Variants in HYCC1 observed in about 807,000 individuals in gnomAD.
HYCC1 encodes the protein hyccin.
the HYCC1 span, among the ~76,000 whole-genome samples, chr7:22,982,924 T>TA: frequency 6.6e-6 from 1 of 152,198 alleles, no homozygotes; most frequent in Non-Finnish European, 1.5e-5. Context: ...CCAAATGCCA[T>TA]ACCTTTTTAC....
the HYCC1 span, among the ~76,000 whole-genome samples, chr7:22,985,249 G>A: frequency 6.6e-6 from 1 of 152,086 alleles, no homozygotes; most frequent in Admixed American, 6.6e-5. Flanking sequence ...TATATAGGTG[G>A]ATGTGTGCAT....
chr7:22,932,836 C>A, the HYCC1 span, among the ~76,000 whole-genome samples: 1 of 152,032 alleles, frequency 6.6e-6, no homozygotes, highest in Non-Finnish European at 1.5e-5. Context: ...CAGAATTTCA[C>A]CTTATTTGGA....
At chr7:22,991,762 T>A in the HYCC1 span, among the ~76,000 whole-genome samples, 25 of 152,230 alleles carry the variant, frequency 1.6e-4, 1 homozygote, top group East Asian at 2.5e-3. Flanking sequence ...AAAATGTTTG[T>A]CAAAATACAA....
chr7:22,949,882 T>C, the HYCC1 span, among the ~76,000 whole-genome samples: 1 of 152,190 alleles, frequency 6.6e-6, no homozygotes, highest in Non-Finnish European at 1.5e-5. Flanking sequence ...TTGATACTTG[T>C]TATCACTCAA....
the HYCC1 span, among the ~76,000 whole-genome samples, chr7:22,931,931 T>C: frequency 5.9e-5 from 9 of 152,322 alleles, no homozygotes; most frequent in African/African-American, 2.2e-4. Context: ...TCTTATAGTA[T>C]AAATGCAAGA....
chr7:23,003,306 G>T, the HYCC1 span, among the ~76,000 whole-genome samples: 10 of 151,210 alleles, frequency 6.6e-5, no homozygotes, highest in Non-Finnish European at 1.0e-4. Context: ...AAATGAATAC[G>T]ACATAGCTGA....
the HYCC1 span, among the ~76,000 whole-genome samples, chr7:22,985,192 A>T: frequency 6.6e-6 from 1 of 152,152 alleles, no homozygotes; most frequent in Non-Finnish European, 1.5e-5. Flanking sequence ...TATTCCTTAT[A>T]TGTCTCATAT....
chr7:22,928,473 G>C, the HYCC1 span, among the ~76,000 whole-genome samples: 1 of 152,176 alleles, frequency 6.6e-6, no homozygotes, highest in Admixed American at 6.5e-5. Flanking sequence ...AAGCTGATAA[G>C]CAACTTCAGC....
the HYCC1 span, among the ~76,000 whole-genome samples, chr7:23,001,623 G>A: frequency 6.6e-6 from 1 of 152,092 alleles, no homozygotes; most frequent in African/African-American, 2.4e-5. Context: ...GTAGGGTACT[G>A]GAGAAAAAGT....
At chr7:22,964,565 TGGTAAAATTTTA>T in the HYCC1 span, 3 of 1,268,018 alleles carry the variant, frequency 2.4e-6, 1 homozygote, top group Non-Finnish European at 3.5e-6. Context: ...TTTCTAAAAT[TGGTAAAATTTTA>T]GGTGATTTAT....
chr7:22,897,147 T>C, the HYCC1 span, among the ~76,000 whole-genome samples: 1 of 152,084 alleles, frequency 6.6e-6, no homozygotes, highest in Non-Finnish European at 1.5e-5. Context: ...GAGACAGCGA[T>C]TGCAGACAGC....
chr7:23,008,670 G>C, the HYCC1 span, among the ~76,000 whole-genome samples: 1 of 151,870 alleles, frequency 6.6e-6, no homozygotes, highest in Non-Finnish European at 1.5e-5. Context: ...AGAGCAAAAA[G>C]AAATAGCCCA....
chr7:22,965,972 T>G, the HYCC1 span, among the ~76,000 whole-genome samples: 5 of 152,168 alleles, frequency 3.3e-5, no homozygotes, highest in Admixed American at 6.5e-5. Flanking sequence ...GAGCATTTAT[T>G]ATAACGAAAA....
chr7:22,935,875 C>T, the HYCC1 span: 3 of 130,014 alleles, frequency 2.3e-5, no homozygotes, highest in Non-Finnish European at 3.6e-5. Context: ...TCTTGAACTT[C>T]TGACTTTAGG....
chr7:23,010,703 G>A, the HYCC1 span, among the ~76,000 whole-genome samples: 1 of 152,000 alleles, frequency 6.6e-6, no homozygotes, highest in South Asian at 2.1e-4. Flanking sequence ...TGATATCTGG[G>A]TTCAACACCC....
the HYCC1 span, among the ~76,000 whole-genome samples, chr7:22,982,338 C>G: frequency 5.9e-5 from 9 of 152,154 alleles, no homozygotes; most frequent in Non-Finnish European, 1.2e-4. Context: ...AGTTTTTTGG[C>G]TTGTCAATAT....
the HYCC1 span, chr7:22,976,406 G>C: frequency 3.6e-6 from 3 of 828,132 alleles, no homozygotes; most frequent in Non-Finnish European, 6.1e-6. Context: ...CAATGTTACA[G>C]AACAGACCTG....
At chr7:22,905,335 G>T in the HYCC1 span, among the ~76,000 whole-genome samples, 56 of 149,018 alleles carry the variant, frequency 3.8e-4, no homozygotes, top group African/African-American at 1.4e-3. Flanking sequence ...CTCCCAAGTA[G>T]TGAGTAGCTG....
the HYCC1 span, among the ~76,000 whole-genome samples, chr7:22,974,210 AAACTT>A: frequency 1.3e-5 from 2 of 152,206 alleles, no homozygotes; most frequent in Non-Finnish European, 1.5e-5. Context: ...AAGGAAAGCT[AAACTT>A]ATCCCATTTT....
Sources: gnomAD v4.1 joint callset for allele counts (sites outside exome capture counted in the v4.1 genomes callset) on GRCh38, gnomAD v4.1.1 for gene constraint, MANE v1.5 for transcripts, NCBI Gene and HGNC (gene_info 2026-07-23, HGNC 2026-07-21) for gene names.